The following CYP39A1 variants were observed in gnomAD, a reference collection of about 807,000 sequenced individuals.
CYP39A1 encodes cytochrome P450 family 39 subfamily A member 1.
In CYP39A1, 49 loss-of-function variants were observed where a neutral mutation model predicts 58.1. The ratio of observed to expected loss-of-function variants is 0.84; its 90% CI spans 0.67 to 1.07. The LOEUF (loss-of-function observed/expected upper bound fraction) is 1.07. Among genes scored for constraint, CYP39A1 ranks in the 50% least tolerant of loss-of-function variants. CYP39A1 has a pLI of 0.00. For missense variants in CYP39A1, 531 were observed against 539.4 expected, an observed-to-expected ratio of 0.98 and a Z score of 0.16; for synonymous variants, 209 against 187.6, an observed-to-expected ratio of 1.11 and a Z score of -0.93.
intron 10 of CYP39A1, among the ~76,000 whole-genome samples, chr6:46,566,605 C>T (rs1458584522): frequency 6.6e-6 from 1 of 152,066 alleles, no homozygotes; most frequent in Non-Finnish European, 1.5e-5. Flanking sequence ...GGGGATTATA[C>T]AGATTACAAT....
chr6:46,588,096 A>G lies in CYP39A1; in HGVS notation c.1099T>C (p.Leu367=). Residue 367 remains leucine, a synonymous_variant, in exon 9 of 12, where the codon TTG becomes CTG. Coordinates refer to ENST00000275016, the MANE Select transcript of CYP39A1 (RefSeq NM_016593.5). The part of the protein sequence containing the change: ...YIIPSGDLLM[L]SPFWLHRNPK... ...TTTCTATGCAGCCAAAATGGAGACA[A>G]CATCAACAAGTCACCAGAAGGAATG... 2.5e-6 allele frequency: 4 copies of G among 1,600,998 alleles called. No homozygotes were observed. Among genetic ancestry groups the G allele is most frequent in the Non-Finnish European group, 3.4e-6 (4 of 1,173,506 alleles).
At chr6:46,550,495 A>G (rs1016909929) in intron 11 of CYP39A1, 58 bp from the exon 12 acceptor site, 2 of 1,480,424 alleles carry the variant, frequency 1.4e-6, no homozygotes, top group African/African-American at 2.8e-5. Flanking sequence ...ACAGTTTCAG[A>G]CCTAAGGTTT....
intron 10 of CYP39A1, among the ~76,000 whole-genome samples, chr6:46,578,525 T>C (rs1332961369): frequency 2.6e-5 from 4 of 151,494 alleles, no homozygotes; most frequent in Non-Finnish European, 4.4e-5. Flanking sequence ...CTAAGATTCA[T>C]AGACCACCAG....
chr6:46,601,597 G>T (rs1047574379), intron 7 of CYP39A1, among the ~76,000 whole-genome samples: 2 of 151,924 alleles, frequency 1.3e-5, no homozygotes, highest in East Asian at 1.9e-4. Context: ...TTGCTGTCAG[G>T]ATTAAAAGTG....
chr6:46,557,097 G>C (rs1242649339), intron 10 of CYP39A1, among the ~76,000 whole-genome samples: 1 of 151,798 alleles, frequency 6.6e-6, no homozygotes, highest in Non-Finnish European at 1.5e-5. Flanking sequence ...GTAAAATGCT[G>C]CCAAAGAAAA....
intron 1 of CYP39A1, among the ~76,000 whole-genome samples, chr6:46,646,837 T>A (rs1027993847): frequency 1.7e-4 from 26 of 152,226 alleles, no homozygotes; most frequent in Admixed American, 1.6e-3. Context: ...GTTAAATTTA[T>A]GTTTGTAGAG....
chr6:46,592,708 C>A (rs1772912112), intron 8 of CYP39A1, among the ~76,000 whole-genome samples: 1 of 152,174 alleles, frequency 6.6e-6, no homozygotes, highest in Non-Finnish European at 1.5e-5. Flanking sequence ...GTAATCCCAG[C>A]ACTTTGGGAG....
At chr6:46,633,496 A>G (rs1489742411) in intron 5 of CYP39A1, among the ~76,000 whole-genome samples, 1 of 152,230 alleles carries the variant, frequency 6.6e-6, no homozygotes, top group Non-Finnish European at 1.5e-5. Flanking sequence ...AAATCTATTT[A>G]TGCAGTTGAA....
At chr6:46,614,203 G>A (rs996620667) in intron 7 of CYP39A1, among the ~76,000 whole-genome samples, 12 of 151,986 alleles carry the variant, frequency 7.9e-5, no homozygotes, top group African/African-American at 2.9e-4. Flanking sequence ...AAACTCTACA[G>A]GAGGAAGAAA....
chr6:46,642,296 A>C lies in CYP39A1; in HGVS notation c.180T>G (p.Tyr60Ter), dbSNP rs1683852009. The change falls in exon 2 of 12, where the codon TAT becomes TAG. Residue 60 changes from tyrosine to a stop codon, truncating the protein, a stop_gained and splice_region_variant. Transcript: ENST00000275016. LOFTEE classifies it high-confidence loss of function. ...TAGCAAAGACTGTAAATATTGGTCC[A>C]TACTGAAATAAAACAAACATAGATT... ...LEFIEKARIK[Y>*]GPIFTVFAMG... The C allele has an allele frequency of 6.2e-7, 1 of 1,610,202 alleles. No individual in the cohort carries two copies. Among genetic ancestry groups the C allele is most frequent in the African/African-American group, 1.3e-5 (1 of 74,664 alleles).
At chr6:46,581,394 G>A in intron 10 of CYP39A1, among the ~76,000 whole-genome samples, 1 of 140,380 alleles carries the variant, frequency 7.1e-6, no homozygotes, top group South Asian at 2.2e-4. Context: ...TGGGCAACAG[G>A]GCCTGTCTCA....
chr6:46,599,738 T>A (rs1328226156), intron 7 of CYP39A1, among the ~76,000 whole-genome samples: 1 of 152,134 alleles, frequency 6.6e-6, no homozygotes, highest in Non-Finnish European at 1.5e-5. Flanking sequence ...ACACCCACAA[T>A]AACATTTTTT....
intron 5 of CYP39A1, among the ~76,000 whole-genome samples, chr6:46,634,742 G>A (rs756179294): frequency 1.3e-5 from 2 of 151,926 alleles, no homozygotes; most frequent in Non-Finnish European, 2.9e-5. Flanking sequence ...GGCTGATCTC[G>A]AACTTCTGAC....
chr6:46,638,308 G>C (rs1024878316), intron 3 of CYP39A1, among the ~76,000 whole-genome samples: 1 of 152,088 alleles, frequency 6.6e-6, no homozygotes, highest in Non-Finnish European at 1.5e-5. Context: ...TAGTAGCTAA[G>C]ATATAGTCCA....
At chr6:46,648,522 G>A (rs1281902791) in intron 1 of CYP39A1, among the ~76,000 whole-genome samples, 4 of 101,864 alleles carry the variant, frequency 3.9e-5, no homozygotes, top group Non-Finnish European at 7.6e-5. Context: ...TTGGGTGGGG[G>A]GAGGGGGGAG....
Position 46,645,774 on chromosome 6 carries a change from G to A in CYP39A1, c.178-3476C>T, listed in dbSNP as rs558132746. Among the ~76,000 whole-genome samples the A allele has an allele frequency of 3.3e-5, 5 of 152,158 alleles. No individual in the cohort carries two copies. The East Asian group carries it at 9.6e-4, about 29-fold the overall frequency. ...TGGAGGAAACTGACATCTTTAATAT[G>A]TTGACTTTTCCAATCAGGAACACAG... On this transcript the variant is annotated intron_variant, in intron 1 of 11. Coordinates refer to ENST00000275016, the MANE Select transcript of CYP39A1 (RefSeq NM_016593.5).
intron 1 of CYP39A1, among the ~76,000 whole-genome samples, chr6:46,649,058 G>A (rs1262465370): frequency 6.6e-6 from 1 of 152,142 alleles, no homozygotes; most frequent in Non-Finnish European, 1.5e-5. Flanking sequence ...TGCAATATGG[G>A]TTTTTCTGTT....
rs541334777 is a variant in CYP39A1 at position 46,552,965 on chromosome 6, T to C, written c.1338+802A>G. On this transcript the variant is annotated intron_variant, in intron 11 of 11. Transcript: ENST00000275016. ...AGGGAGGCTGAGGCATGAGAACCAC[T>C]TGAACCCAGGAGGCGGAGGCTGCAG... 8.6e-5 allele frequency among the ~76,000 whole-genome samples: 13 copies of C among 151,520 alleles called. No individual in the cohort carries two copies. In the South Asian group the frequency reaches 2.3e-3, roughly 27 times the overall value.
chr6:46,590,376 C>T (rs967017595), intron 8 of CYP39A1, among the ~76,000 whole-genome samples: 12 of 151,950 alleles, frequency 7.9e-5, no homozygotes, highest in African/African-American at 1.2e-4. Context: ...AGGCAGGACT[C>T]TGTGTTGTAA....
Sources: gnomAD v4.1 joint callset for allele counts (sites outside exome capture counted in the v4.1 genomes callset) on GRCh38, gnomAD v4.1.1 for gene constraint, MANE v1.5 for transcripts, NCBI Gene and HGNC (gene_info 2026-07-23, HGNC 2026-07-21) for gene names.